The following ANKRD12 variants were observed in gnomAD, a reference collection of about 807,000 sequenced individuals.
ANKRD12 encodes ankyrin repeat domain 12, also known as ankyrin repeat domain-containing protein 12.
ANKRD12 carries 85 observed loss-of-function variants against 183.4 expected under a neutral mutation model. That is an observed-to-expected ratio of 0.46 (90% confidence interval 0.39 to 0.56). The LOEUF (loss-of-function observed/expected upper bound fraction) is 0.56. Among genes scored for constraint, ANKRD12 ranks in the 20% least tolerant of loss-of-function variants. The pLI is 0.00. For synonymous variants in ANKRD12, 914 were observed against 800.2 expected (o/e 1.14, Z -2.40); for missense variants, 2,405 against 2,357.1 (o/e 1.02, Z -0.42).
chr18:9,235,623 T>C (rs1428279046), intron 8 of ANKRD12: 1 of 456,218 alleles, frequency 2.2e-6, no homozygotes, highest in South Asian at 1.5e-5. Flanking sequence ...CAAACCTTAG[T>C]CTCTTCATCC....
intron 1 of ANKRD12, among the ~76,000 whole-genome samples, chr18:9,139,835 T>C (rs1356506449): frequency 1.3e-5 from 2 of 152,238 alleles, no homozygotes; most frequent in Admixed American, 6.5e-5. Flanking sequence ...ATTTCCTTTA[T>C]TTTTACACAT....
At chr18:9,280,746 G>A (rs577433623) in intron 12 of ANKRD12, among the ~76,000 whole-genome samples, 195 bp from the exon 13 acceptor site, 55 of 152,016 alleles carry the variant, frequency 3.6e-4, no homozygotes, top group Middle Eastern at 3.4e-3. Flanking sequence ...CCCAGAGCTC[G>A]CCACTGCACT....
At chr18:9,239,246 A>T (rs762143692) in intron 8 of ANKRD12, among the ~76,000 whole-genome samples, 1 of 152,242 alleles carries the variant, frequency 6.6e-6, no homozygotes, top group Non-Finnish European at 1.5e-5. Context: ...AAAAATCGCT[A>T]CTAATTCTTT....
intron 1 of ANKRD12, among the ~76,000 whole-genome samples, chr18:9,154,411 CAATA>C (rs1348194344): frequency 6.6e-6 from 1 of 152,112 alleles, no homozygotes; most frequent in Non-Finnish European, 1.5e-5. Flanking sequence ...GATCCTGTCT[CAATA>C]AATGAATGAA....
chr18:9,197,688 A>G (rs997559904), intron 3 of ANKRD12, among the ~76,000 whole-genome samples: 11 of 152,238 alleles, frequency 7.2e-5, no homozygotes, highest in Non-Finnish European at 1.6e-4. Flanking sequence ...AATCATAAAG[A>G]ACAGAAAATA....
Position 9,211,645 on chromosome 18 carries a change from A to T in ANKRD12, c.513A>T (p.Ser171=), listed in dbSNP as rs775039533. Residue 171 remains serine (S), a synonymous_variant, in exon 6 of 13, where the codon TCA becomes TCT. Transcript: ENST00000262126. Reference sequence around the variant, plus strand: ...CCCAAAAGAAAACTCCCAGTTCTTCATCTCGACAGAAAGATAAAGTTAATA... The same window carrying T: ...CCCAAAAGAAAACTCCCAGTTCTTCTTCTCGACAGAAAGATAAAGTTAATA... ...TPAQKKTPSS[S]SRQKDKVNKR... is the part of the protein sequence containing the mutation. The T allele has an allele frequency of 1.2e-6, 2 of 1,613,932 alleles. No individual in the cohort carries two copies. Among genetic ancestry groups the T allele is most frequent in the East Asian group, 4.5e-5 (2 of 44,840 alleles).
intron 10 of ANKRD12, among the ~76,000 whole-genome samples, chr18:9,265,409 G>A (rs2039230195): frequency 1.3e-5 from 2 of 152,052 alleles, no homozygotes; most frequent in Admixed American, 1.3e-4. Context: ...ACACGGCTGG[G>A]TACTCCTCTG....
chr18:9,175,456 C>T (rs1481929582), intron 1 of ANKRD12, among the ~76,000 whole-genome samples: 4 of 147,934 alleles, frequency 2.7e-5, no homozygotes, highest in African/African-American at 2.5e-5. Context: ...AGTAGTTTTT[C>T]GTCCACAGAA....
intron 1 of ANKRD12, among the ~76,000 whole-genome samples, chr18:9,174,434 A>T (rs1026788887): frequency 4.1e-4 from 62 of 152,188 alleles, no homozygotes; most frequent in African/African-American, 1.4e-3. Flanking sequence ...AGCCTGAGCA[A>T]CTGCTCTGCC....
chr18:9,144,899 TTATG>T (rs1210769017), intron 1 of ANKRD12, among the ~76,000 whole-genome samples: 2 of 152,048 alleles, frequency 1.3e-5, no homozygotes, highest in Non-Finnish European at 2.9e-5. Flanking sequence ...AATACATACA[TTATG>T]TAATAAATAT....
chr18:9,227,641 G>A (rs868732172), intron 8 of ANKRD12, among the ~76,000 whole-genome samples: 19 of 152,170 alleles, frequency 1.2e-4, no homozygotes, highest in African/African-American at 4.6e-4. Context: ...CATCAAAGAT[G>A]TTGAAACCCA....
intron 8 of ANKRD12, among the ~76,000 whole-genome samples, chr18:9,240,899 T>TA (rs2037621241): frequency 1.3e-5 from 2 of 152,322 alleles, no homozygotes; most frequent in East Asian, 1.9e-4. Context: ...TTCTCAGTGT[T>TA]ATAACAGTAA....
chr18:9,249,939 AAC>A (rs1156479184), intron 8 of ANKRD12, among the ~76,000 whole-genome samples: 1 of 152,218 alleles, frequency 6.6e-6, no homozygotes, highest in Non-Finnish European at 1.5e-5. Flanking sequence ...GTCATGGTAT[AAC>A]ACACTGTGAA....
intron 2 of ANKRD12, among the ~76,000 whole-genome samples, chr18:9,183,372 A>G (rs1365735889): frequency 2.6e-5 from 4 of 152,142 alleles, no homozygotes; most frequent in East Asian, 1.9e-4. Context: ...CTTCCAATCC[A>G]TGAACATGGA....
At chr18:9,253,170 G>T (rs1024732196) in intron 8 of ANKRD12, among the ~76,000 whole-genome samples, 1 of 152,024 alleles carries the variant, frequency 6.6e-6, no homozygotes, top group African/African-American at 2.4e-5. Context: ...AAGGTAATTG[G>T]TTTACCTCAA....
At chr18:9,280,398 C>A (rs775815711) in intron 12 of ANKRD12, among the ~76,000 whole-genome samples, 1 of 152,114 alleles carries the variant, frequency 6.6e-6, no homozygotes, top group African/African-American at 2.4e-5. Context: ...GGTACCAGTC[C>A]GTGACCCGGG....
chr18:9,254,768 A>G lies in ANKRD12; in HGVS notation c.1501A>G (p.Thr501Ala), dbSNP rs1172164468. ...GGAAGGAAAAGAAAATACAAGAATA[A>G]CAAACTTGACAGTAAATACTGGACT... is the stretch of plus-strand genomic sequence containing the variant. ...EKEGKENTRITNLTVNTGLDC... is the reference protein window; with the variant it reads ...EKEGKENTRIANLTVNTGLDC... The change falls in exon 9 of 13, where the codon ACA (threonine) becomes GCA (alanine). Residue 501 changes from threonine (T) to alanine (A), a missense_variant. Physicochemically the swap from Thr to Ala is moderately conservative, Grantham distance 58 (BLOSUM62 0). Coordinates refer to ENST00000262126, the MANE Select transcript of ANKRD12 (RefSeq NM_015208.5). 1 of 1,470,328 alleles carries G rather than the reference A, an allele frequency of 6.8e-7. No individual in the cohort carries two copies. The allele number at this position is 1,470,328 out of a possible 1,614,324, so 91.1% of individuals were successfully genotyped here.
intron 1 of ANKRD12, among the ~76,000 whole-genome samples, chr18:9,157,550 G>GGTGTGTGTGT (rs71168037): frequency 6.1e-5 from 7 of 114,598 alleles, no homozygotes; most frequent in African/African-American, 2.4e-4. Flanking sequence ...GGTGTGTGTG[G>GGTGTGTGTGT]GTGTGTGTGT....
intron 8 of ANKRD12, among the ~76,000 whole-genome samples, chr18:9,235,472 A>G (rs1375208450): frequency 6.6e-6 from 1 of 152,236 alleles, no homozygotes; most frequent in Non-Finnish European, 1.5e-5. Context: ...AAATATTACT[A>G]TTTTGCCATA....
Sources: gnomAD v4.1 joint callset for allele counts (sites outside exome capture counted in the v4.1 genomes callset) on GRCh38, gnomAD v4.1.1 for gene constraint, MANE v1.5 for transcripts, NCBI Gene and HGNC (gene_info 2026-07-23, HGNC 2026-07-21) for gene names.